The following TCF12 variants were observed in gnomAD, a reference collection of about 807,000 sequenced individuals.
TCF12 encodes DNA-binding protein HTF4.
In TCF12, 45 loss-of-function variants were observed where a neutral mutation model predicts 86.0. That is an observed-to-expected ratio of 0.52 (90% CI 0.41 to 0.67). The LOEUF (loss-of-function observed/expected upper bound fraction) is 0.67. Among genes scored for constraint, TCF12 ranks in the 30% least tolerant of loss-of-function variants. The pLI is 0.00. For missense variants in TCF12, 881 were observed against 859.9 expected, an observed-to-expected ratio of 1.02 and a Z score of -0.31; for synonymous variants, 330 against 299.6, an observed-to-expected ratio of 1.10 and a Z score of -1.05.
At chr15:57,241,281 G>A (rs574778055) in intron 12 of TCF12, among the ~76,000 whole-genome samples, 2 of 151,898 alleles carry the variant, frequency 1.3e-5, no homozygotes, top group East Asian at 1.9e-4. Context: ...TAGTAGAGAC[G>A]GGGTTTCAGC....
intron 5 of TCF12, among the ~76,000 whole-genome samples, chr15:57,155,264 C>T (rs1401643185): frequency 1.3e-5 from 2 of 152,124 alleles, no homozygotes; most frequent in Non-Finnish European, 2.9e-5. Context: ...TATTCTGACA[C>T]ACTGTGACCT....
At position 56,962,132 on chromosome 15, in the gene TCF12, CAA is replaced by C. The variant is rs397853683; in HGVS notation, c.148+41056_148+41057del. On this transcript the variant is annotated intron_variant, in intron 3 of 20. Coordinates refer to ENST00000333725, the MANE Select transcript of TCF12 (RefSeq NM_207037.2). ...TGGGTGACAGAGCGAGACTCCGTCT[CAA>C]AAAAAAAAAAAAAAAAAAAAATATG... 3.9e-3 allele frequency among the ~76,000 whole-genome samples: 244 copies of C among 63,010 alleles called. 1 individual carries two copies. Among genetic ancestry groups the C allele is most frequent in the African/African-American group, 8.8e-3 (161 of 18,302 alleles). 41.3% of individuals were successfully genotyped at this position (63,010 alleles called of 152,430 possible).
At chr15:57,063,248 T>C (rs879039799) in intron 3 of TCF12, among the ~76,000 whole-genome samples, 1 of 152,234 alleles carries the variant, frequency 6.6e-6, no homozygotes, top group African/African-American at 2.4e-5. Flanking sequence ...TGATTTGATA[T>C]GGTTGATATA....
intron 3 of TCF12, among the ~76,000 whole-genome samples, chr15:57,021,440 C>G (rs562067804): frequency 6.6e-6 from 1 of 152,190 alleles, no homozygotes; most frequent in Non-Finnish European, 1.5e-5. Context: ...ATCACAAGGT[C>G]AGAAAACATT....
intron 19 of TCF12, among the ~76,000 whole-genome samples, chr15:57,275,327 G>GTGTGTGTGTGTGTGTGTGTGTGTGTGT (rs2061328002): frequency 1.6e-5 from 1 of 64,060 alleles, no homozygotes; most frequent in Non-Finnish European, 2.9e-5. Flanking sequence ...GTAAGGTAGG[G>GTGTGTGTGTGTGTGTGTGTGTGTGTGT]GTGTGTGTGT....
chr15:57,270,437 A>G (rs2061082962), intron 18 of TCF12, among the ~76,000 whole-genome samples: 2 of 152,156 alleles, frequency 1.3e-5, no homozygotes. Flanking sequence ...TCTATGCTGG[A>G]TATTCTATTT....
chr15:57,073,094 A>G (rs370775614), intron 4 of TCF12, among the ~76,000 whole-genome samples: 13 of 152,176 alleles, frequency 8.5e-5, no homozygotes, highest in Admixed American at 8.5e-4. Context: ...CCTGGGGACA[A>G]CACTTACTGA....
At chr15:57,215,649 A>G (rs137941762) in intron 8 of TCF12, among the ~76,000 whole-genome samples, 9 of 152,266 alleles carry the variant, frequency 5.9e-5, no homozygotes, top group African/African-American at 1.9e-4. Context: ...AGAAGAATAT[A>G]CAGTAAGATT....
chr15:57,112,094 C>T (rs1457463496), intron 5 of TCF12, among the ~76,000 whole-genome samples: 6 of 152,158 alleles, frequency 3.9e-5, no homozygotes, highest in African/African-American at 1.4e-4. Context: ...TCCTCTGCCC[C>T]TCATCCGTCT....
At chr15:56,982,927 G>T (rs2062965064) in intron 3 of TCF12, among the ~76,000 whole-genome samples, 1 of 152,162 alleles carries the variant, frequency 6.6e-6, no homozygotes, top group African/African-American at 2.4e-5. Flanking sequence ...TATGTGGTAG[G>T]TGTTAGTTTG....
intron 3 of TCF12, among the ~76,000 whole-genome samples, chr15:57,019,287 A>G (rs997784776): frequency 6.6e-6 from 1 of 152,208 alleles, no homozygotes; most frequent in Admixed American, 6.5e-5. Flanking sequence ...TTGGTTAGAC[A>G]TAGGAATTAA....
rs192320278 is a variant in TCF12, at chr15:57,233,433, C to T, written c.970+577C>T. 2.1e-3 allele frequency among the ~76,000 whole-genome samples: 321 copies of T among 152,236 alleles called. 1 individual carries two copies. The Middle Eastern group carries it at 0.031, about 15-fold the overall frequency. ...CCTCTAGTGATCCTTCCACCTCGGC[C>T]TCCCAAAATGCTAGCATTATAGACA... On this transcript the variant is annotated intron_variant, in intron 11 of 20. Coordinates refer to ENST00000333725, the MANE Select transcript of TCF12 (RefSeq NM_207037.2).
chr15:57,222,227 G>GT (rs200716679), intron 8 of TCF12, among the ~76,000 whole-genome samples: 36,753 of 143,654 alleles, frequency 0.26, 4,607 homozygotes, highest in African/African-American at 0.3. Flanking sequence ...CTTTTTTCCA[G>GT]TTTTTTTTTT....
chr15:56,959,475 G>A (rs1396852685), intron 3 of TCF12, among the ~76,000 whole-genome samples: 3 of 152,224 alleles, frequency 2.0e-5, no homozygotes, highest in Non-Finnish European at 2.9e-5. Flanking sequence ...GCTGTTTCAT[G>A]TGGAGAGAAC....
At chr15:57,023,917 A>G (rs2065654405) in intron 3 of TCF12, among the ~76,000 whole-genome samples, 1 of 152,180 alleles carries the variant, frequency 6.6e-6, no homozygotes, top group African/African-American at 2.4e-5. Flanking sequence ...AGGATCGTGC[A>G]ACCTAAATCC....
At chr15:56,961,841 G>C (rs1251320761) in intron 3 of TCF12, among the ~76,000 whole-genome samples, 6 of 152,094 alleles carry the variant, frequency 3.9e-5, no homozygotes, top group African/African-American at 1.4e-4. Context: ...ACTAGGTGGT[G>C]ATATAAAATA....
intron 3 of TCF12, among the ~76,000 whole-genome samples, chr15:57,061,596 G>A (rs1055327834): frequency 1.3e-5 from 2 of 152,008 alleles, no homozygotes; most frequent in Admixed American, 6.6e-5. Flanking sequence ...GAACATGAAC[G>A]CTGCCTCTAA....
intron 16 of TCF12, among the ~76,000 whole-genome samples, chr15:57,254,874 A>AGAG (rs1555410240): frequency 9.2e-6 from 1 of 108,848 alleles, no homozygotes; most frequent in South Asian, 3.1e-4. Flanking sequence ...AAAAAAAAAA[A>AGAG]AAAGAAAGAA....
intron 3 of TCF12, among the ~76,000 whole-genome samples, chr15:56,989,808 G>A (rs1427994967): frequency 6.6e-6 from 1 of 152,152 alleles, no homozygotes; most frequent in Admixed American, 6.5e-5. Flanking sequence ...TTACATTTGG[G>A]TGTGATATTA....
Sources: allele counts gnomAD v4.1 joint callset (sites outside exome capture counted in the v4.1 genomes callset), GRCh38; gene constraint gnomAD v4.1.1; transcripts MANE v1.5; gene names NCBI Gene and HGNC (gene_info 2026-07-23, HGNC 2026-07-21).